Variants in NRXN3 observed in about 807,000 individuals in gnomAD.
NRXN3 encodes the protein neurexin III.
Under a neutral mutation model 137.6 loss-of-function variants are expected in NRXN3, and 32 were observed. The ratio of observed to expected loss-of-function variants is 0.23; its 90% CI spans 0.18 to 0.31. The LOEUF is 0.31. Ranked by LOEUF, NRXN3 falls within the 10% of genes least tolerant of loss-of-function variation. NRXN3 has a pLI of 1.00. For missense variants in NRXN3, 1,574 were observed against 2,062.5 expected, an observed-to-expected ratio of 0.76 and a Z score of 4.59; for synonymous variants, 798 against 784.5, an observed-to-expected ratio of 1.02 and a Z score of -0.29.
chr14:78,632,391 G>T (rs1014432161), intron 4 of NRXN3, among the ~76,000 whole-genome samples: 1 of 152,004 alleles, frequency 6.6e-6, no homozygotes, highest in Non-Finnish European at 1.5e-5. Flanking sequence ...TGGAATATGT[G>T]ACATGCTATG....
intron 15 of NRXN3, among the ~76,000 whole-genome samples, chr14:79,172,046 A>T (rs562571444): frequency 3.3e-5 from 5 of 152,294 alleles, no homozygotes; most frequent in African/African-American, 1.2e-4. Context: ...CACTAGAGAA[A>T]ACCTCTTTTA....
At chr14:79,381,995 T>C (rs1180135458) in intron 15 of NRXN3, among the ~76,000 whole-genome samples, 1 of 152,232 alleles carries the variant, frequency 6.6e-6, no homozygotes, top group Non-Finnish European at 1.5e-5. Flanking sequence ...TTCTGGTATT[T>C]ATTCAACAGG....
intron 10 of NRXN3, among the ~76,000 whole-genome samples, chr14:78,937,098 C>G (rs1488394326): frequency 6.7e-6 from 1 of 149,550 alleles, no homozygotes; most frequent in East Asian, 2.0e-4. Context: ...GGCAGGCACC[C>G]GTAATCCCAG....
chr14:78,985,122 T>C (rs7146473), intron 14 of NRXN3, among the ~76,000 whole-genome samples: 46,801 of 152,052 alleles, frequency 0.31, 8,687 homozygotes, highest in African/African-American at 0.5. Context: ...TTCTGACAAA[T>C]GGAAAAGATT....
At chr14:79,656,469 T>C (rs1351415541) in intron 16 of NRXN3, among the ~76,000 whole-genome samples, 1 of 152,190 alleles carries the variant, frequency 6.6e-6, no homozygotes, top group Non-Finnish European at 1.5e-5. Context: ...TGACTCAGGA[T>C]GCCAGTTGTG....
intron 16 of NRXN3, among the ~76,000 whole-genome samples, chr14:79,496,087 GT>G (rs1745247930): frequency 6.6e-6 from 1 of 152,116 alleles, no homozygotes; most frequent in South Asian, 2.1e-4. Flanking sequence ...AATGATGTTC[GT>G]AATCCAGTGT....
chr14:79,129,401 G>T (rs1423693016), intron 15 of NRXN3, among the ~76,000 whole-genome samples: 1 of 151,064 alleles, frequency 6.6e-6, no homozygotes, highest in African/African-American at 2.5e-5. Context: ...TGGTTTCAAA[G>T]AACATGTTTA....
At chr14:79,459,579 A>G (rs1390220921) in intron 15 of NRXN3, among the ~76,000 whole-genome samples, 1 of 152,026 alleles carries the variant, frequency 6.6e-6, no homozygotes, top group African/African-American at 2.4e-5. Flanking sequence ...CAAGACAATG[A>G]ATTTCTGTTG....
At chr14:78,668,455 A>G (rs2097905960) in intron 6 of NRXN3, among the ~76,000 whole-genome samples, 1 of 152,214 alleles carries the variant, frequency 6.6e-6, no homozygotes, top group Non-Finnish European at 1.5e-5. Context: ...TTTGACCCCA[A>G]GAAATATTTG....
rs1199082402 is a variant in NRXN3, at chr14:79,641,926, C to T, written c.3445-21852C>T. ...TTCCCACTGCTTAGATGTCTATACT[C>T]AGAAAAGTTACTATGTGGTTTTTCT... On this transcript the variant is annotated intron_variant, in intron 16 of 20. Coordinates refer to ENST00000335750, the MANE Select transcript of NRXN3 (RefSeq NM_001330195.2). 1.5e-5 allele frequency among the ~76,000 whole-genome samples: 2 copies of T among 135,514 alleles called. 1 individual carries two copies. Among genetic ancestry groups the T allele is most frequent in the Non-Finnish European group, 3.4e-5 (2 of 58,282 alleles). The allele number at this position is 135,514 out of a possible 152,430, so 88.9% of individuals were successfully genotyped here.
chr14:78,998,832 G>C, intron 15 of NRXN3, among the ~76,000 whole-genome samples: 1 of 142,938 alleles, frequency 7.0e-6, no homozygotes, highest in East Asian at 2.1e-4. Flanking sequence ...TTGAACTCCT[G>C]TCCTGAAGTG....
intron 15 of NRXN3, among the ~76,000 whole-genome samples, chr14:79,152,895 G>T (rs1383660476): frequency 6.6e-6 from 1 of 152,008 alleles, no homozygotes; most frequent in East Asian, 1.9e-4. Flanking sequence ...TCAATCTCAT[G>T]AGTTGAGGAC....
At chr14:78,633,630 G>A (rs1013174822) in intron 4 of NRXN3, among the ~76,000 whole-genome samples, 6 of 152,096 alleles carry the variant, frequency 3.9e-5, no homozygotes, top group Non-Finnish European at 8.8e-5. Flanking sequence ...TCTTTGGGAG[G>A]AAAAGGAAGT....
At position 79,322,970 on chromosome 14, in the gene NRXN3, T is replaced by C. The variant is rs1014105463; in HGVS notation, c.3263-144251T>C. Among the ~76,000 whole-genome samples, 8 of 152,208 alleles carry C rather than the reference T, an allele frequency of 5.3e-5. No individual in the cohort carries two copies. In the East Asian group the frequency reaches 9.6e-4, roughly 18 times the overall value. Reference sequence around the variant, plus strand: ...TAAGAATGCTCAGGTAAGAAATGACTGTAGTGACGGCAGGGGATGGATGAG... The same window carrying C: ...TAAGAATGCTCAGGTAAGAAATGACCGTAGTGACGGCAGGGGATGGATGAG... On this transcript the variant is annotated intron_variant, in intron 15 of 20. Coordinates refer to ENST00000335750, the MANE Select transcript of NRXN3 (RefSeq NM_001330195.2).
At chr14:79,184,754 T>G (rs2063321398) in intron 15 of NRXN3, among the ~76,000 whole-genome samples, 1 of 152,204 alleles carries the variant, frequency 6.6e-6, no homozygotes, top group South Asian at 2.1e-4. Context: ...CCAGAATATG[T>G]TTTGTTTTGT....
intron 17 of NRXN3, among the ~76,000 whole-genome samples, chr14:79,670,525 A>G (rs1309846286): frequency 6.6e-6 from 1 of 152,118 alleles, no homozygotes; most frequent in African/African-American, 2.4e-5. Flanking sequence ...GTGAATGCTC[A>G]GATTGACATT....
chr14:79,723,869 G>T (rs2098861127), intron 19 of NRXN3, among the ~76,000 whole-genome samples: 1 of 152,096 alleles, frequency 6.6e-6, no homozygotes, highest in Non-Finnish European at 1.5e-5. Context: ...ACAAGGGCGA[G>T]CAGTGGTACC....
chr14:78,467,720 G>A (rs1164821501), intron 4 of NRXN3, among the ~76,000 whole-genome samples: 1 of 152,202 alleles, frequency 6.6e-6, no homozygotes, highest in Non-Finnish European at 1.5e-5. Flanking sequence ...GCAAGTGCAA[G>A]CATTGAAACT....
intron 4 of NRXN3, among the ~76,000 whole-genome samples, chr14:78,492,058 G>A (rs151088077): frequency 1.3e-5 from 2 of 152,266 alleles, no homozygotes; most frequent in Non-Finnish European, 2.9e-5. Flanking sequence ...GTTTCCTCAT[G>A]AGTCAAAACT....
Sources: allele counts gnomAD v4.1 joint callset (sites outside exome capture counted in the v4.1 genomes callset), GRCh38; gene constraint gnomAD v4.1.1; transcripts MANE v1.5; gene names NCBI Gene and HGNC (gene_info 2026-07-23, HGNC 2026-07-21).